The following TUB variants were observed in gnomAD, a reference collection of about 807,000 sequenced individuals.
The protein encoded by TUB is tubby protein homolog.
A neutral mutation model predicts 59.7 loss-of-function variants in TUB; 33 were observed. That is an observed-to-expected ratio of 0.55 (90% CI 0.42 to 0.74). The LOEUF is 0.74. TUB is among the 30% of genes least tolerant of loss of function. The probability of loss-of-function intolerance (pLI) is 0.00; values close to 1 mark genes in which losing one functional copy is unlikely to be tolerated. For synonymous variants in TUB, 293 were observed against 256.4 expected, an observed-to-expected ratio of 1.14 and a Z score of -1.36; for missense variants, 659 against 672.0, an observed-to-expected ratio of 0.98 and a Z score of 0.21.
intron 2 of TUB, among the ~76,000 whole-genome samples, chr11:8,047,330 AACTCTATCACAAG>A (rs1187321796): frequency 6.6e-6 from 1 of 152,152 alleles, no homozygotes; most frequent in Non-Finnish European, 1.5e-5. Flanking sequence ...TGCAGTGCTA[AACTCTATCACAAG>A]TCTTAGTAAA....
chr11:8,039,056 C>T lies in TUB; in HGVS notation c.155+28C>T, dbSNP rs1349190911. 3.1e-6 allele frequency: 5 copies of T among 1,608,102 alleles called. No homozygotes were observed. The East Asian group carries it at 8.9e-5, about 29-fold the overall frequency. The stretch of plus-strand genomic sequence containing the variant: ...AAGCTTTCAACATCCTGCCTTTAGC[C>T]CATGGGCCCAACCATTGCGTCAGCT... On this transcript the variant is annotated intron_variant, in intron 1 of 12. Coordinates refer to the TUB transcript ENST00000305253.
chr11:8,105,996 C>T lies in TUB; in HGVS notation c.*4377C>T, dbSNP rs546031402. 6.6e-6 allele frequency: 1 copy of T among 152,296 alleles called. No homozygotes were observed. Among genetic ancestry groups the T allele is most frequent in the South Asian group, 2.1e-4 (1 of 4,824 alleles). The allele number at this position is 152,296 out of a possible 1,614,324, so 9.4% of individuals were successfully genotyped here. On this transcript the variant is annotated 3_prime_UTR_variant, in exon 12 of 12. Coordinates refer to ENST00000299506, the MANE Select transcript of TUB (RefSeq NM_177972.3). ...TCTATTTGCACAAGATTGTCTTTTC[C>T]TATTTTGGAGTGGTCAGACATTTTA...
intron 1 of TUB, chr11:8,039,507 C>T (rs1942707938): frequency 7.5e-6 from 5 of 667,808 alleles, no homozygotes; most frequent in Admixed American, 7.5e-5. Flanking sequence ...TGATCCATCA[C>T]GTAACTCACC....
intron 2 of TUB, among the ~76,000 whole-genome samples, chr11:8,043,730 T>C (rs1221996716): frequency 6.6e-6 from 1 of 152,250 alleles, no homozygotes; most frequent in Non-Finnish European, 1.5e-5. Flanking sequence ...TAGAACTATG[T>C]ATAACTGATT....
intron 4 of TUB, 47 bp from the exon 5 acceptor site, chr11:8,095,451 T>C (rs1943944424): frequency 1.3e-6 from 2 of 1,561,284 alleles, no homozygotes; most frequent in South Asian, 1.2e-5. Flanking sequence ...ATCCAGGCCC[T>C]CCTCTCCTCC....
rs368907491 is a variant in TUB, at chr11:8,101,596, G to A, written c.1498G>A (p.Asp500Asn). The A allele has an allele frequency of 7.9e-5, 128 of 1,614,072 alleles. No individual in the cohort carries two copies. Among genetic ancestry groups the A allele is most frequent in the Admixed American group, 1.3e-4 (8 of 60,004 alleles). ...CTTTGCCATTGCCCTGTCCAGCTTCGACAGCAAGCTGGCGTGCGAGTAGAG... is the reference window on the plus strand; with the variant it reads ...CTTTGCCATTGCCCTGTCCAGCTTCAACAGCAAGCTGGCGTGCGAGTAGAG... ...QAFAIALSSF[D>N]SKLACE The change falls in exon 12 of 12, where the codon GAC (aspartate) becomes AAC (asparagine). Residue 500 changes from aspartate to asparagine, a missense_variant. Transcript: ENST00000299506.
chr11:8,101,391 C>A, intron 11 of TUB, 95 bp from the exon 12 acceptor site: 1 of 1,475,360 alleles, frequency 6.8e-7, no homozygotes, highest in Non-Finnish European at 9.4e-7. Flanking sequence ...CTCACTTGTT[C>A]TTCCCTCATG....
chr11:8,034,732 T>C (rs187127683), upstream of TUB, among the ~76,000 whole-genome samples: 471 of 152,312 alleles, frequency 3.1e-3, 1 homozygote, highest in Non-Finnish European at 5.1e-3. Flanking sequence ...TGCCAGCTTC[T>C]TCCCTGCCCA....
intron 2 of TUB, among the ~76,000 whole-genome samples, chr11:8,066,781 C>G (rs1943251758): frequency 6.6e-6 from 1 of 152,160 alleles, no homozygotes; most frequent in African/African-American, 2.4e-5. Context: ...GTTATGGAAG[C>G]AGGTTGAAGA....
chr11:8,094,984 G>A (rs2133859329), intron 4 of TUB, among the ~76,000 whole-genome samples: 1 of 152,362 alleles, frequency 6.6e-6, no homozygotes, highest in Admixed American at 6.5e-5. Flanking sequence ...CGTAGGATGG[G>A]AGATGCTCCA....
chr11:8,088,417 C>G (rs1230464528), intron 1 of TUB, among the ~76,000 whole-genome samples: 1 of 152,208 alleles, frequency 6.6e-6, no homozygotes, highest in Non-Finnish European at 1.5e-5. Context: ...GATGTGACCT[C>G]CTGTTTCCCC....
At position 8,089,621 on chromosome 11, in the gene TUB, A is replaced by T; in HGVS notation, c.50A>T (p.Asp17Val). The change falls in exon 2 of 12, where the codon GAT becomes GTT. Residue 17 changes from aspartate to valine, a missense_variant. By Grantham distance (152) the Asp-to-Val change is radical. This residue lies in a region of TUB where 321 missense variants were observed against 304.3 expected (regional missense o/e 1.05). Transcript: ENST00000299506. ...SDWIPYSVLD[D>V]EGRNLRQQKL... ...CTTTCGCTCTGCAGTGTCTTAGATG[A>T]TGAGGGCAGAAACCTGAGGCAGCAG... 6.2e-7 allele frequency: 1 copy of T among 1,614,164 alleles called. No homozygotes were observed. The highest frequency in any genetic ancestry group is 8.5e-7 in the Non-Finnish European group (1 of 1,180,028).
chr11:8,026,376 T>C (rs1203145156), intron 1 of TUB, among the ~76,000 whole-genome samples: 1 of 152,102 alleles, frequency 6.6e-6, no homozygotes, highest in African/African-American at 2.4e-5. Flanking sequence ...TACTTTGCGG[T>C]GACAAAGGTT....
At chr11:8,056,541 C>CT (rs1943024098) in intron 2 of TUB, among the ~76,000 whole-genome samples, 1 of 151,992 alleles carries the variant, frequency 6.6e-6, no homozygotes, top group Non-Finnish European at 1.5e-5. Flanking sequence ...TGTGAAATGC[C>CT]TGGGGGGAGG....
chr11:8,062,545 A>G (rs925785769), intron 2 of TUB, among the ~76,000 whole-genome samples: 1 of 151,004 alleles, frequency 6.6e-6, no homozygotes. Flanking sequence ...GTGTGTACAC[A>G]TGAGGGGTTG....
intron 3 of TUB, among the ~76,000 whole-genome samples, chr11:8,091,106 C>T (rs898212702): frequency 2.0e-5 from 3 of 152,178 alleles, no homozygotes; most frequent in African/African-American, 4.8e-5. Context: ...GACCTGGAGC[C>T]TCCAGATACA....
chr11:8,089,408 G>C (rs1456392145), intron 1 of TUB, among the ~76,000 whole-genome samples: 1 of 152,194 alleles, frequency 6.6e-6, no homozygotes, highest in Non-Finnish European at 1.5e-5. Context: ...GGCTTCCAAA[G>C]TGGCAGCTCG....
At chr11:8,052,106 G>C (rs1312881510) in intron 2 of TUB, among the ~76,000 whole-genome samples, 19 of 152,192 alleles carry the variant, frequency 1.2e-4, no homozygotes, top group Admixed American at 1.2e-3. Flanking sequence ...AGCACAGTTT[G>C]ATAACTGGCA....
chr11:8,054,640 G>A (rs559754388), intron 2 of TUB, among the ~76,000 whole-genome samples: 5 of 152,332 alleles, frequency 3.3e-5, no homozygotes, highest in Admixed American at 2.6e-4. Flanking sequence ...TGTGTGTCCT[G>A]GCATATGTAT....
Sources: gnomAD v4.1 joint callset for allele counts (sites outside exome capture counted in the v4.1 genomes callset) on GRCh38, gnomAD v4.1.1 for gene constraint, gnomAD v4.1.1 regional missense constraint, MANE v1.5 for transcripts, NCBI Gene and HGNC (gene_info 2026-07-23, HGNC 2026-07-21) for gene names.